CALHM4: variants seen among roughly 807,000 people sequenced by gnomAD.
CALHM4 encodes calcium homeostasis modulator protein 4.
In CALHM4, 16 loss-of-function variants were observed where a neutral mutation model predicts 13.3. The observed-to-expected ratio is 1.20, with a 90% CI of 0.81 to 1.82. The LOEUF (loss-of-function observed/expected upper bound fraction) is 1.82, where lower values mean the gene tolerates loss of function less well. Ranked by LOEUF, CALHM4 falls within the 40% of genes most tolerant of loss-of-function variation. The pLI is 0.00. For missense variants in CALHM4, 344 were observed against 374.9 expected, an observed-to-expected ratio of 0.92 and a Z score of 0.68; for synonymous variants, 127 against 137.1, an observed-to-expected ratio of 0.93 and a Z score of 0.52.
intron 1 of CALHM4, among the ~76,000 whole-genome samples, chr6:116,535,935 T>C (rs888861247): frequency 6.6e-5 from 10 of 152,168 alleles, no homozygotes; most frequent in African/African-American, 9.7e-5. Context: ...ATGGGGCTAA[T>C]GATAGATGAT....
chr6:116,543,403 G>A, intron 1 of CALHM4: 2 of 1,544,942 alleles, frequency 1.3e-6, no homozygotes, highest in South Asian at 2.4e-5. Flanking sequence ...TCTTTATTCT[G>A]GAGAAAAAGG....
rs150860386 is a variant in CALHM4, at chr6:116,538,902, G to C, written c.-108-4863G>C. ...GTGCCACCACGCCCGGCTAATTTTT[G>C]TATTTTTTTGTAGAGGTGGGATTTC... On this transcript the variant is annotated intron_variant, in intron 1 of 2. Coordinates refer to the CALHM4 transcript ENST00000368597. Among the ~76,000 whole-genome samples the C allele has an allele frequency of 4.1e-3, 629 of 151,944 alleles. 5 individuals carry two copies. The highest frequency in any genetic ancestry group is 0.014 in the African/African-American group (589 of 41,440).
At chr6:116,548,528 AT>A in intron 2 of CALHM4, among the ~76,000 whole-genome samples, 1 of 152,312 alleles carries the variant, frequency 6.6e-6, no homozygotes, top group Middle Eastern at 3.4e-3. Flanking sequence ...TACAGCAAGA[AT>A]TTTACAATCC....
chr6:116,543,625 T>C, intron 1 of CALHM4: 2 of 648,538 alleles, frequency 3.1e-6, no homozygotes, highest in African/African-American at 3.7e-5. Context: ...AAAATGAATT[T>C]CGTAACATGA....
chr6:116,531,441 G>A (rs563688287), intron 1 of CALHM4, among the ~76,000 whole-genome samples: 50 of 152,158 alleles, frequency 3.3e-4, no homozygotes, highest in Middle Eastern at 6.8e-3. Flanking sequence ...GCAGAGAAGG[G>A]TTGAGTCATG....
At position 116,557,928 on chromosome 6, in the gene CALHM4, G is replaced by C; in HGVS notation, c.662G>C (p.Trp221Ser). The change falls in exon 2 of 2, where the codon TGG (tryptophan) becomes TCG (serine). Residue 221 changes from tryptophan to serine, a missense_variant. Physicochemically the swap from Trp to Ser is radical, Grantham distance 177. Transcript: ENST00000368596. ...CTCACCTCTCTGCAACATTGCTACT[G>C]GACCAGCCACCTCCAGAATGAGAGA... is the stretch of plus-strand genomic sequence containing the variant. The part of the protein sequence containing the change: ...SPLTSLQHCY[W>S]TSHLQNEREL... 17 of 1,614,142 alleles carry C rather than the reference G, an allele frequency of 1.1e-5. No individual in the cohort carries two copies. The highest frequency in any genetic ancestry group is 1.4e-5 in the Non-Finnish European group (17 of 1,180,028).
chr6:116,534,922 C>A (rs896901267), intron 1 of CALHM4, among the ~76,000 whole-genome samples: 3 of 152,138 alleles, frequency 2.0e-5, no homozygotes, highest in Non-Finnish European at 4.4e-5. Context: ...TCCCTTCTTA[C>A]TGTGACAACA....
exon 2 of CALHM4, chr6:116,543,797 C>T (rs763462944): frequency 4.1e-5 from 63 of 1,531,806 alleles, no homozygotes; most frequent in South Asian, 2.4e-4. Context: ...ACTTCTCAGG[C>T]GTCTGCACAA....
At chr6:116,540,386 C>A (rs1355792447) in intron 1 of CALHM4, 1 of 1,551,184 alleles carries the variant, frequency 6.4e-7, no homozygotes, top group Admixed American at 2.0e-5. Flanking sequence ...TCTATAATTT[C>A]TGAATAACTA....
intron 1 of CALHM4, among the ~76,000 whole-genome samples, chr6:116,530,292 A>G (rs1325821144): frequency 1.3e-5 from 2 of 152,216 alleles, no homozygotes; most frequent in Non-Finnish European, 2.9e-5. Context: ...GCCCTGGTTT[A>G]AGTTCATTTC....
In CALHM4 at chr6:116,553,753, C is replaced by A; in HGVS notation, c.-41C>A. The A allele has an allele frequency of 6.6e-7, 1 of 1,518,566 alleles. No individual in the cohort carries two copies. Among genetic ancestry groups the A allele is most frequent in the South Asian group, 1.3e-5 (1 of 78,898 alleles). The allele number at this position is 1,518,566 out of a possible 1,614,324, so 94.1% of individuals were successfully genotyped here. On this transcript the variant is annotated 5_prime_UTR_variant, in exon 1 of 2. Coordinates refer to ENST00000368596, the MANE Select transcript of CALHM4 (RefSeq NM_001366078.2). ...GTTATAGCTGGTGGAGTCTAATGAT[C>A]AGAAAGGGCCACAAGCTGATTTGTG... is the stretch of plus-strand genomic sequence containing the variant.
At chr6:116,550,384 C>T (rs571019658), upstream of CALHM4, among the ~76,000 whole-genome samples, 6 of 152,132 alleles carry the variant, frequency 3.9e-5, no homozygotes, top group East Asian at 3.9e-4. Context: ...CTGGCACTTC[C>T]GCTCATCTGT....
At chr6:116,530,822 G>A (rs193236163) in intron 1 of CALHM4, among the ~76,000 whole-genome samples, 6 of 147,262 alleles carry the variant, frequency 4.1e-5, no homozygotes, top group African/African-American at 1.5e-4. Flanking sequence ...CCAAATTCTA[G>A]CTCTGAAACA....
intron 1 of CALHM4, among the ~76,000 whole-genome samples, chr6:116,540,890 T>C (rs1441561853): frequency 1.3e-5 from 2 of 152,088 alleles, no homozygotes; most frequent in Non-Finnish European, 2.9e-5. Flanking sequence ...AGCATTGTTA[T>C]CAGGGTAGAA....
At chr6:116,547,136 C>T (rs1159985634) in intron 2 of CALHM4, among the ~76,000 whole-genome samples, 2 of 151,924 alleles carry the variant, frequency 1.3e-5, no homozygotes, top group African/African-American at 2.4e-5. Flanking sequence ...TATTTTGTAC[C>T]GCACACACTC....
At chr6:116,540,279 G>A in intron 1 of CALHM4, 1 of 1,299,566 alleles carries the variant, frequency 7.7e-7, no homozygotes, top group Non-Finnish European at 1.1e-6. Context: ...GATGGAACCT[G>A]TCCAATCTGA....
chr6:116,540,495 T>C (rs1278454864), intron 1 of CALHM4: 6 of 1,539,336 alleles, frequency 3.9e-6, no homozygotes, highest in Non-Finnish European at 4.4e-6. Flanking sequence ...GGTCTGAAAA[T>C]TCTAAGAAAT....
Position 116,557,907 on chromosome 6 carries a change from C to A in CALHM4, c.641C>A (p.Thr214Asn), listed in dbSNP as rs1774402915. Residue 214 changes from threonine (T) to asparagine (N), a missense_variant, in exon 2 of 2, where the codon ACC becomes AAC. Thr to Asn is a moderately conservative substitution (Grantham distance 65). Transcript: ENST00000368596. ...GTGGCAAAGTGCTGCTCTCCCCTCA[C>A]CTCTCTGCAACATTGCTACTGGACC... Reference protein sequence around the residue: ...CCVAKCCSPLTSLQHCYWTSH... With the variant: ...CCVAKCCSPLNSLQHCYWTSH... The A allele has an allele frequency of 6.2e-7, 1 of 1,614,030 alleles. No individual in the cohort carries two copies. Among genetic ancestry groups the A allele is most frequent in the Non-Finnish European group, 8.5e-7 (1 of 1,180,032 alleles).
chr6:116,548,118 G>A (rs929398208), intron 2 of CALHM4, among the ~76,000 whole-genome samples: 7 of 152,126 alleles, frequency 4.6e-5, no homozygotes, highest in Non-Finnish European at 8.8e-5. Flanking sequence ...GGGGCCTTTG[G>A]GGAAGCGATT....
Sources: gnomAD v4.1 joint callset for allele counts (sites outside exome capture counted in the v4.1 genomes callset) on GRCh38, gnomAD v4.1.1 for gene constraint, MANE v1.5 for transcripts, NCBI Gene and HGNC (gene_info 2026-07-23, HGNC 2026-07-21) for gene names.